SORCS2: variants seen among roughly 807,000 people sequenced by gnomAD.
SORCS2 encodes the protein sortilin related VPS10 domain containing receptor 2, also known as VPS10 domain-containing receptor SorCS2.
In SORCS2, 100 loss-of-function variants were observed where a neutral mutation model predicts 141.6. That is an observed-to-expected ratio of 0.71 (90% CI 0.60 to 0.83). The LOEUF (loss-of-function observed/expected upper bound fraction) is 0.83. Among genes scored for constraint, SORCS2 ranks in the 40% least tolerant of loss-of-function variants. The probability of loss-of-function intolerance (pLI) is 0.00; values close to 1 mark genes in which losing one functional copy is unlikely to be tolerated. For synonymous variants in SORCS2, 789 were observed against 676.9 expected, an observed-to-expected ratio of 1.17 and a Z score of -2.57; for missense variants, 1,646 against 1,560.2, an observed-to-expected ratio of 1.05 and a Z score of -0.93.
At chr4:7,481,884 C>T (rs1730656543) in intron 2 of SORCS2, among the ~76,000 whole-genome samples, 1 of 151,618 alleles carries the variant, frequency 6.6e-6, no homozygotes, top group African/African-American at 2.4e-5. Flanking sequence ...GCTCATCCAC[C>T]TGACGCCGTT....
At chr4:7,653,545 A>G (rs992197342) in intron 4 of SORCS2, among the ~76,000 whole-genome samples, 1 of 152,152 alleles carries the variant, frequency 6.6e-6, no homozygotes, top group Non-Finnish European at 1.5e-5. Flanking sequence ...ACCTGGCCCT[A>G]AAGACACAAT....
At chr4:7,516,767 G>T (rs188923657) in intron 2 of SORCS2, among the ~76,000 whole-genome samples, 31 of 152,176 alleles carry the variant, frequency 2.0e-4, no homozygotes, top group African/African-American at 5.8e-4. Context: ...TCCCCTTCTC[G>T]GCATGGTCCT....
At chr4:7,681,003 T>C (rs1207909957) in intron 9 of SORCS2, among the ~76,000 whole-genome samples, 1 of 152,258 alleles carries the variant, frequency 6.6e-6, no homozygotes, top group African/African-American at 2.4e-5. Flanking sequence ...TTTAGATGAC[T>C]CAGATGATAA....
intron 9 of SORCS2, among the ~76,000 whole-genome samples, chr4:7,677,260 A>G (rs1723226642): frequency 6.6e-6 from 1 of 152,116 alleles, no homozygotes; most frequent in Non-Finnish European, 1.5e-5. Flanking sequence ...CGCCCCGTGC[A>G]TCGCACCAAT....
At chr4:7,475,967 G>A (rs1401359788) in intron 2 of SORCS2, among the ~76,000 whole-genome samples, 4 of 152,212 alleles carry the variant, frequency 2.6e-5, no homozygotes, top group Non-Finnish European at 5.9e-5. Context: ...CCTTGGCTGG[G>A]GCTGGGGGCT....
chr4:7,696,357 C>T (rs958780749), intron 11 of SORCS2, among the ~76,000 whole-genome samples: 1 of 152,182 alleles, frequency 6.6e-6, no homozygotes, highest in African/African-American at 2.4e-5. Context: ...CATCAGAAAT[C>T]CTTTGTTCAA....
chr4:7,434,622 G>A, intron 2 of SORCS2: 1 of 1,613,366 alleles, frequency 6.2e-7, no homozygotes, highest in African/African-American at 1.3e-5. Flanking sequence ...AAGCCAGGAT[G>A]TCAGACTCCG....
At chr4:7,403,990 TATA>T (rs1560256872) in intron 2 of SORCS2, among the ~76,000 whole-genome samples, 6 of 7,264 alleles carry the variant, frequency 8.3e-4, no homozygotes, top group Non-Finnish European at 2.2e-3. Flanking sequence ...TATATATATA[TATA>T]TATATTTTTT....
chr4:7,516,525 A>G (rs1168819317), intron 2 of SORCS2, among the ~76,000 whole-genome samples: 1 of 149,492 alleles, frequency 6.7e-6, no homozygotes, highest in African/African-American at 2.5e-5. Context: ...GCGTCTGCAG[A>G]TTTTATCCGC....
chr4:7,356,502 GGA>G (rs146158185), intron 1 of SORCS2, among the ~76,000 whole-genome samples: 4 of 150,006 alleles, frequency 2.7e-5, no homozygotes, highest in Non-Finnish European at 3.0e-5. Flanking sequence ...GGAGAGAGAT[GGA>G]GAGAGAGAGA....
At chr4:7,704,937 C>A (rs1725323013) in intron 14 of SORCS2, among the ~76,000 whole-genome samples, 1 of 152,138 alleles carries the variant, frequency 6.6e-6, no homozygotes, top group Non-Finnish European at 1.5e-5. Flanking sequence ...TCCTGCGACC[C>A]CGCGCTGTGG....
intron 2 of SORCS2, among the ~76,000 whole-genome samples, chr4:7,491,757 A>G (rs1033851706): frequency 1.9e-4 from 29 of 152,218 alleles, no homozygotes; most frequent in African/African-American, 6.7e-4. Flanking sequence ...CCGTTAAGGC[A>G]GCTGTGGCTT....
At chr4:7,605,341 G>A (rs935306008) in intron 3 of SORCS2, among the ~76,000 whole-genome samples, 9 of 152,098 alleles carry the variant, frequency 5.9e-5, no homozygotes, top group South Asian at 2.1e-4. Context: ...CCTGAGTTTC[G>A]GGGGAGGTTA....
intron 1 of SORCS2, among the ~76,000 whole-genome samples, chr4:7,213,709 T>TC (rs1173019417): frequency 6.6e-6 from 1 of 152,032 alleles, no homozygotes; most frequent in African/African-American, 2.4e-5. Context: ...GGCAGAGTTC[T>TC]CCCCCTGGGA....
At chr4:7,565,996 TGATGATGGTGATAATGATGG>T (rs879633335) in intron 3 of SORCS2, among the ~76,000 whole-genome samples, 226 of 2,408 alleles carry the variant, frequency 0.094, 5 homozygotes, top group Non-Finnish European at 0.16. Context: ...ATGGTAATGG[TGATGATGGTGATAATGATGG>T]TGATGATGGT....
rs1179410231 is a variant in SORCS2 at position 7,712,730 on chromosome 4, C to T, written c.1869-3C>T. On this transcript the variant is annotated splice_polypyrimidine_tract_variant and splice_region_variant and intron_variant, in intron 14 of 26. Transcript: ENST00000507866. ...TCTCCCTTCCCTCCTCTTCCCACCC[C>T]AGGGTCTTTGGCCACATCAGCTTCC... 1.9e-6 allele frequency: 3 copies of T among 1,614,016 alleles called. No individual in the cohort carries two copies. The highest frequency in any genetic ancestry group is 2.5e-6 in the Non-Finnish European group (3 of 1,179,876).
intron 1 of SORCS2, among the ~76,000 whole-genome samples, chr4:7,263,331 G>C (rs929542819): frequency 1.3e-5 from 2 of 152,170 alleles, no homozygotes; most frequent in Admixed American, 6.5e-5. Flanking sequence ...TCCCCTCCCT[G>C]GTTTCCCTGA....
At chr4:7,298,478 C>T (rs972554044) in intron 1 of SORCS2, among the ~76,000 whole-genome samples, 3 of 152,194 alleles carry the variant, frequency 2.0e-5, no homozygotes, top group South Asian at 2.1e-4. Flanking sequence ...GGCCTCTGAT[C>T]GGTCAGCGAC....
chr4:7,234,084 G>A (rs1478168322), intron 1 of SORCS2, among the ~76,000 whole-genome samples: 1 of 152,138 alleles, frequency 6.6e-6, no homozygotes, highest in Admixed American at 6.5e-5. Context: ...ATCTCCCCAG[G>A]TGCTGGAGTT....
Sources: allele counts gnomAD v4.1 joint callset (sites outside exome capture counted in the v4.1 genomes callset), GRCh38; gene constraint gnomAD v4.1.1; transcripts MANE v1.5; gene names NCBI Gene and HGNC (gene_info 2026-07-23, HGNC 2026-07-21).